Variants in RPS6KA2 observed in about 807,000 individuals in gnomAD.
The protein encoded by RPS6KA2 is ribosomal protein S6 kinase alpha-2.
RPS6KA2 carries 42 observed loss-of-function variants against 91.8 expected under a neutral mutation model. The ratio of observed to expected loss-of-function variants is 0.46; its 90% CI spans 0.36 to 0.59. The LOEUF is 0.59. Ranked by LOEUF, RPS6KA2 falls within the 20% of genes least tolerant of loss-of-function variation. The probability of loss-of-function intolerance (pLI) is 0.00; values close to 1 mark genes in which losing one functional copy is unlikely to be tolerated. For synonymous variants in RPS6KA2, 414 were observed against 393.6 expected, an observed-to-expected ratio of 1.05 and a Z score of -0.61; for missense variants, 798 against 978.5, an observed-to-expected ratio of 0.82 and a Z score of 2.46.
intron 2 of RPS6KA2, among the ~76,000 whole-genome samples, chr6:166,798,360 C>T (rs1309334651): frequency 2.0e-5 from 3 of 152,348 alleles, no homozygotes; most frequent in African/African-American, 7.2e-5. Context: ...GGGACAGACA[C>T]TGAGGAATGT....
chr6:166,482,546 C>T (rs1216658352), intron 10 of RPS6KA2, among the ~76,000 whole-genome samples: 2 of 152,208 alleles, frequency 1.3e-5, no homozygotes, highest in Non-Finnish European at 2.9e-5. Context: ...GTCTCAGAAA[C>T]CAGAGCCAGG....
intron 2 of RPS6KA2, among the ~76,000 whole-genome samples, chr6:166,716,108 T>C (rs986599822): frequency 4.0e-5 from 6 of 150,508 alleles, no homozygotes; most frequent in African/African-American, 1.5e-4. Context: ...TTCAAGTCAT[T>C]GTAAGGTTTT....
rs10637819 is a variant in RPS6KA2, at chr6:166,723,699, C to CTTTTTTTTTTTTTTTTTTTTTT, written c.123+134500_123+134501insAAAAAAAAAAAAAAAAAAAAAA. Among the ~76,000 whole-genome samples the CTTTTTTTTTTTTTTTTTTTTTT allele has an allele frequency of 1.0e-4, 15 of 146,222 alleles. 1 individual carries two copies. The highest frequency in any genetic ancestry group is 4.0e-4 in the African/African-American group (15 of 37,154). On this transcript the variant is annotated intron_variant, in intron 2 of 21. Transcript: ENST00000503859. ...AATTTCCTTTTTCTTTTTTTCTTTT[C>CTTTTTTTTTTTTTTTTTTTTTT]TTTTCTTTTTTTTTTTTTTGAGATG...
chr6:166,566,271 G>A (rs1410642602), intron 1 of RPS6KA2, among the ~76,000 whole-genome samples: 2 of 152,186 alleles, frequency 1.3e-5, no homozygotes, highest in Non-Finnish European at 2.9e-5. Context: ...CGGTGTCCTT[G>A]CCAGAATATG....
chr6:166,640,008 A>G (rs1228382447), intron 2 of RPS6KA2, among the ~76,000 whole-genome samples: 1 of 152,246 alleles, frequency 6.6e-6, no homozygotes, highest in African/African-American at 2.4e-5. Flanking sequence ...TTTGGTCTAC[A>G]TTATTATTTC....
rs1276397761 is a variant in RPS6KA2, at chr6:166,504,718, C to A, written c.460-106G>T. ...AGAGACTGAGAGTCCACACTGGGGTCAGTTTGCTCTGTGGAACGCTATGGC... is the reference window on the plus strand; with the variant it reads ...AGAGACTGAGAGTCCACACTGGGGTAAGTTTGCTCTGTGGAACGCTATGGC... On this transcript the variant is annotated intron_variant, in intron 5 of 20. Transcript: ENST00000265678. The A allele has an allele frequency of 6.6e-6, 5 of 756,046 alleles. No individual in the cohort carries two copies. In the Admixed American group the frequency reaches 1.0e-4, roughly 16 times the overall value. 46.8% of individuals were successfully genotyped at this position (756,046 alleles called of 1,614,324 possible).
In RPS6KA2 at chr6:166,448,548, G is replaced by A. The variant is rs541949419; in HGVS notation, c.1332+176C>T. Among the ~76,000 whole-genome samples the A allele has an allele frequency of 2.6e-5, 4 of 152,312 alleles. No individual in the cohort carries two copies. Among genetic ancestry groups the A allele is most frequent in the South Asian group, 4.1e-4 (2 of 4,830 alleles). On this transcript the variant is annotated intron_variant, in intron 14 of 20. Coordinates refer to ENST00000265678, the MANE Select transcript of RPS6KA2 (RefSeq NM_021135.6). This position sits in a 1 kb window ranked among gnomAD's most constrained non-coding sequence, Gnocchi z 4.7. ...CTGGAGTCACTGCACAGCTGAGCAC[G>A]TGAGCACATATGCTGTGCTCCTATG...
intron 3 of RPS6KA2, among the ~76,000 whole-genome samples, chr6:166,514,577 G>A (rs560552203): frequency 6.6e-6 from 1 of 152,216 alleles, no homozygotes; most frequent in East Asian, 1.9e-4. Flanking sequence ...CACTGATGAG[G>A]CCTGCGGGCA....
chr6:166,838,019 C>A (rs978252052), intron 2 of RPS6KA2, among the ~76,000 whole-genome samples: 1 of 152,248 alleles, frequency 6.6e-6, no homozygotes, highest in Non-Finnish European at 1.5e-5. Flanking sequence ...ATAAACGCAA[C>A]GCAGGCTCTG....
chr6:166,443,673 A>T (rs932816213), intron 14 of RPS6KA2, among the ~76,000 whole-genome samples: 1 of 152,140 alleles, frequency 6.6e-6, no homozygotes, highest in African/African-American at 2.4e-5. Context: ...TTTAATGCTG[A>T]ATCTATGTTT....
At chr6:166,505,789 C>T (rs969305246) in intron 5 of RPS6KA2, among the ~76,000 whole-genome samples, 7 of 152,214 alleles carry the variant, frequency 4.6e-5, no homozygotes, top group African/African-American at 9.7e-5. Flanking sequence ...GCTTGGCCAG[C>T]GCCTTTCCCG....
chr6:166,855,360 G>A (rs1207578066), intron 2 of RPS6KA2, among the ~76,000 whole-genome samples: 1 of 61,068 alleles, frequency 1.6e-5, no homozygotes, highest in Non-Finnish European at 8.7e-5. Context: ...AGACAAAGAT[G>A]AAGATGAAGA....
At chr6:166,768,041 ATTACTTTTTCTTTGTT>A (rs1778368128) in intron 2 of RPS6KA2, among the ~76,000 whole-genome samples, 1 of 152,210 alleles carries the variant, frequency 6.6e-6, no homozygotes, top group African/African-American at 2.4e-5. Flanking sequence ...CTGAGAAACA[ATTACTTTTTCTTTGTT>A]CAAGTCCCAC....
rs1583325923 is a variant in RPS6KA2 at position 166,612,353 on chromosome 6, C to T, written c.99+14568G>A. Reference sequence around the variant, plus strand: ...GGTCTGCTCAGAGACGTTTATCCTCCTTGCAGCTGGTGCATGAGTGAAACT... The same window carrying T: ...GGTCTGCTCAGAGACGTTTATCCTCTTTGCAGCTGGTGCATGAGTGAAACT... On this transcript the variant is annotated intron_variant, in intron 1 of 20. Coordinates refer to ENST00000265678, the MANE Select transcript of RPS6KA2 (RefSeq NM_021135.6). The surrounding 1 kb of genome is among the most constrained non-coding windows in gnomAD (Gnocchi z 4.3). 1.3e-5 allele frequency among the ~76,000 whole-genome samples: 2 copies of T among 152,164 alleles called. No homozygotes were observed. The highest frequency in any genetic ancestry group is 4.8e-5 in the African/African-American group (2 of 41,448).
intron 2 of RPS6KA2, among the ~76,000 whole-genome samples, chr6:166,748,058 G>A (rs1434257170): frequency 4.6e-5 from 7 of 152,174 alleles, no homozygotes; most frequent in Admixed American, 2.6e-4. Context: ...TTGTCCCGAG[G>A]GCAAATGCTG....
intron 1 of RPS6KA2, chr6:166,862,098 C>T (rs1420232355): frequency 3.7e-6 from 6 of 1,614,244 alleles, no homozygotes; most frequent in Non-Finnish European, 5.1e-6. Context: ...GCGTTCTCTC[C>T]TGCACTCACC....
At chr6:166,539,189 G>T (rs1583257269) in intron 1 of RPS6KA2, among the ~76,000 whole-genome samples, 1 of 152,156 alleles carries the variant, frequency 6.6e-6, no homozygotes, top group African/African-American at 2.4e-5. Flanking sequence ...AAGTGCTGGG[G>T]TTACAGGCGT....
intron 2 of RPS6KA2, among the ~76,000 whole-genome samples, chr6:166,656,895 G>T (rs901109835): frequency 1.3e-5 from 2 of 152,202 alleles, no homozygotes; most frequent in Non-Finnish European, 1.5e-5. Flanking sequence ...AACTATTCTT[G>T]CGGCACTGGG....
chr6:166,506,601 T>C (rs1489360033), intron 5 of RPS6KA2, among the ~76,000 whole-genome samples: 1 of 152,122 alleles, frequency 6.6e-6, no homozygotes, highest in Non-Finnish European at 1.5e-5. Flanking sequence ...CTGTTTTTCC[T>C]CCATGCAAGG....
Sources: gnomAD v4.1 joint callset for allele counts (sites outside exome capture counted in the v4.1 genomes callset) on GRCh38, gnomAD v4.1.1 for gene constraint, Gnocchi (gnomAD v3.1) non-coding constraint, MANE v1.5 for transcripts, NCBI Gene and HGNC (gene_info 2026-07-23, HGNC 2026-07-21) for gene names.